Variants in KLF12 observed in about 807,000 individuals in gnomAD.
The protein encoded by KLF12 is Krueppel-like factor 12.
Under a neutral mutation model 37.8 loss-of-function variants are expected in KLF12, and 9 were observed. That is an observed-to-expected ratio of 0.24 (90% CI 0.14 to 0.42). The LOEUF (loss-of-function observed/expected upper bound fraction) is 0.42, where lower values mean the gene tolerates loss of function less well. KLF12 is among the 10% of genes least tolerant of loss of function. KLF12 has a pLI of 1.00. For missense variants in KLF12, 411 were observed against 516.0 expected (o/e 0.80, Z 1.97); for synonymous variants, 208 against 202.1 (o/e 1.03, Z -0.25).
intron 1 of KLF12, among the ~76,000 whole-genome samples, chr13:74,030,618 A>G (rs1893089873): frequency 6.6e-6 from 1 of 152,122 alleles, no homozygotes; most frequent in Non-Finnish European, 1.5e-5. Context: ...AAATAATTAT[A>G]TGGCACAGAT....
At chr13:73,790,413 A>G (rs543271677) in intron 5 of KLF12, among the ~76,000 whole-genome samples, 1 of 152,294 alleles carries the variant, frequency 6.6e-6, no homozygotes, top group African/African-American at 2.4e-5. Flanking sequence ...TATTTGTTAT[A>G]ATTTTATTTT....
intron 3 of KLF12, among the ~76,000 whole-genome samples, chr13:73,894,233 G>A (rs1887650280): frequency 6.6e-6 from 1 of 152,160 alleles, no homozygotes; most frequent in African/African-American, 2.4e-5. Context: ...GTAATGATTA[G>A]CATTTAAGCT....
chr13:74,071,586 G>A (rs554429040), intron 1 of KLF12, among the ~76,000 whole-genome samples: 145 of 152,156 alleles, frequency 9.5e-4, no homozygotes, highest in African/African-American at 2.2e-3. Context: ...CCAGCTACTC[G>A]GGAGGCTGAG....
the KLF12 span, among the ~76,000 whole-genome samples, chr13:74,185,522 C>A: frequency 6.6e-6 from 1 of 152,122 alleles, no homozygotes; most frequent in Non-Finnish European, 1.5e-5. Context: ...TAGTTTAGGG[C>A]CAAAGAAATT....
rs1310253531 is a variant in KLF12, at chr13:73,695,495, C to T, written c.1204G>A (p.Val402Met). Residue 402 changes from valine (V) to methionine (M), a missense_variant, in exon 8 of 8, where the codon GTG becomes ATG. Physicochemically the swap from Val to Met is conservative, Grantham distance 21. Around this residue, in one of 2 missense-constraint regions of KLF12, gnomAD observed 60 missense variants for 118.2 expected, o/e 0.51. Coordinates refer to ENST00000377669, the MANE Select transcript of KLF12 (RefSeq NM_007249.5). ...AGCTGGACAGGTAGCATTCCTCACA[C>T]CAACATATGCCTCCGGCGGTGCAGG... The T allele has an allele frequency of 2.5e-6, 4 of 1,613,622 alleles. No homozygotes were observed. In the African/African-American group the frequency reaches 4.0e-5, roughly 16 times the overall value.
At chr13:73,721,051 A>G (rs538829130) in intron 6 of KLF12, among the ~76,000 whole-genome samples, 16 of 152,334 alleles carry the variant, frequency 1.1e-4, no homozygotes, top group Middle Eastern at 3.4e-3. Flanking sequence ...GATAACAATG[A>G]TATTTACAGA....
intron 1 of KLF12, among the ~76,000 whole-genome samples, chr13:74,059,392 C>T (rs1273607975): frequency 6.6e-6 from 1 of 152,198 alleles, no homozygotes; most frequent in Non-Finnish European, 1.5e-5. Flanking sequence ...CTAGTTGTTC[C>T]CACGAGCAGT....
chr13:74,134,433 AC>A (rs1486493003), upstream of KLF12, among the ~76,000 whole-genome samples: 1 of 150,214 alleles, frequency 6.7e-6, no homozygotes, highest in African/African-American at 2.5e-5. Flanking sequence ...TGGGAAACTA[AC>A]CCCTCCCCGC....
At chr13:74,279,644 A>G in the KLF12 span, among the ~76,000 whole-genome samples, 12 of 152,160 alleles carry the variant, frequency 7.9e-5, no homozygotes, top group African/African-American at 2.7e-4. Flanking sequence ...TCAGTTCTGT[A>G]ACCAATGAAC....
intron 6 of KLF12, among the ~76,000 whole-genome samples, chr13:73,734,832 T>A (rs1041794654): frequency 3.3e-5 from 5 of 152,100 alleles, no homozygotes; most frequent in Admixed American, 3.3e-4. Flanking sequence ...TCACGAAAGG[T>A]ACACTGCCCG....
intron 1 of KLF12, among the ~76,000 whole-genome samples, chr13:74,126,893 G>C (rs4255673): frequency 0.54 from 82,635 of 152,114 alleles, 27,507 homozygotes; most frequent in East Asian, 0.88. Flanking sequence ...GTTTACTAAA[G>C]AGTACATATT....
At chr13:73,748,206 C>T (rs1290442534) in intron 6 of KLF12, among the ~76,000 whole-genome samples, 1 of 152,162 alleles carries the variant, frequency 6.6e-6, no homozygotes, top group Non-Finnish European at 1.5e-5. Context: ...ATTCCTTTGT[C>T]ACACAGAAGA....
At chr13:74,152,924 AATAAT>A in the KLF12 span, among the ~76,000 whole-genome samples, 14 of 148,760 alleles carry the variant, frequency 9.4e-5, no homozygotes, top group African/African-American at 2.7e-4. Flanking sequence ...TAATAATAAT[AATAAT>A]AAAAACAGAG....
chr13:73,858,902 C>T (rs1054541322), intron 3 of KLF12, among the ~76,000 whole-genome samples: 1 of 152,118 alleles, frequency 6.6e-6, no homozygotes, highest in Non-Finnish European at 1.5e-5. Context: ...AGTAAATGTT[C>T]AAATAAGTGT....
chr13:73,697,184 C>T (rs891299693), intron 7 of KLF12, among the ~76,000 whole-genome samples: 38 of 152,072 alleles, frequency 2.5e-4, no homozygotes, highest in Admixed American at 2.5e-3. Context: ...GTAATGCCTA[C>T]ATGGGAAAAC....
chr13:73,741,248 C>T (rs540831727), intron 6 of KLF12, among the ~76,000 whole-genome samples: 24 of 152,192 alleles, frequency 1.6e-4, no homozygotes, highest in African/African-American at 5.3e-4. Flanking sequence ...TGAGGAAGCA[C>T]GACTGGAAAG....
chr13:73,984,336 A>T (rs571679100), intron 2 of KLF12, among the ~76,000 whole-genome samples: 1 of 152,186 alleles, frequency 6.6e-6, no homozygotes, highest in African/African-American at 2.4e-5. Flanking sequence ...ACTGTCGCCT[A>T]TGTGCCTGCT....
At chr13:74,213,637 T>TCCTC in the KLF12 span, among the ~76,000 whole-genome samples, 3 of 147,020 alleles carry the variant, frequency 2.0e-5, no homozygotes, top group Non-Finnish European at 4.5e-5. Flanking sequence ...CTCCCTTCTT[T>TCCTC]CCTCCCTTCC....
intron 3 of KLF12, among the ~76,000 whole-genome samples, chr13:73,899,575 T>C (rs780328450): frequency 1.3e-5 from 2 of 152,066 alleles, no homozygotes; most frequent in African/African-American, 2.4e-5. Context: ...TATAGGGGTG[T>C]TTCCATGAAA....
Sources: allele counts gnomAD v4.1 joint callset (sites outside exome capture counted in the v4.1 genomes callset), GRCh38; gene constraint gnomAD v4.1.1; regional missense constraint gnomAD v4.1.1; transcripts MANE v1.5; gene names NCBI Gene and HGNC (gene_info 2026-07-23, HGNC 2026-07-21).